Variants in PPP1R1C observed in about 807,000 individuals in gnomAD.
The protein encoded by PPP1R1C is protein phosphatase 1 regulatory inhibitor subunit 1C, also known as protein phosphatase 1 regulatory subunit 1C.
A neutral mutation model predicts 17.4 loss-of-function variants in PPP1R1C; 15 were observed. The observed-to-expected ratio is 0.86, with a 90% CI of 0.58 to 1.33. The LOEUF (loss-of-function observed/expected upper bound fraction) is 1.33, where lower values mean the gene tolerates loss of function less well. Among genes scored for constraint, PPP1R1C ranks in the 40% most tolerant of loss-of-function variants. PPP1R1C has a pLI of 0.00. For missense variants in PPP1R1C, 143 were observed against 130.0 expected (o/e 1.10, Z -0.48); for synonymous variants, 35 against 43.1 (o/e 0.81, Z 0.73).
intron 2 of PPP1R1C, among the ~76,000 whole-genome samples, chr2:182,016,854 G>A (rs1172823788): frequency 6.6e-6 from 1 of 152,136 alleles, no homozygotes; most frequent in African/African-American, 2.4e-5. Flanking sequence ...CAACTTAAAA[G>A]TGGTTAGACA....
Position 182,035,481 on chromosome 2 carries a change from G to C in PPP1R1C, c.143-25961G>C, listed in dbSNP as rs190991038. Among the ~76,000 whole-genome samples the C allele has an allele frequency of 2.6e-5, 4 of 152,188 alleles. 1 individual carries two copies. The highest frequency in any genetic ancestry group is 2.0e-4 in the Admixed American group (3 of 15,276). On this transcript the variant is annotated intron_variant, in intron 2 of 4. Coordinates refer to ENST00000682840, the MANE Select transcript of PPP1R1C (RefSeq NM_001080545.3). ...TTGGCATTTGATATAGTTTGTCTCT[G>C]TGTCCCCACCCAAATCTCATGTTAA...
At chr2:182,066,109 A>G (rs1453467978) in intron 4 of PPP1R1C, among the ~76,000 whole-genome samples, 1 of 152,130 alleles carries the variant, frequency 6.6e-6, no homozygotes, top group East Asian at 1.9e-4. Flanking sequence ...AAATCTTATC[A>G]GCTTTTTGTG....
At chr2:181,972,131 T>A (rs1366672948) in intron 1 of PPP1R1C, among the ~76,000 whole-genome samples, 1 of 152,262 alleles carries the variant, frequency 6.6e-6, no homozygotes, top group African/African-American at 2.4e-5. Flanking sequence ...GTAGAGACTT[T>A]TATTTGGCTA....
At chr2:182,010,923 T>C (rs1156587094) in intron 2 of PPP1R1C, among the ~76,000 whole-genome samples, 2 of 152,136 alleles carry the variant, frequency 1.3e-5, no homozygotes, top group Non-Finnish European at 2.9e-5. Context: ...ATGTATCACA[T>C]CGTTTGATTT....
chr2:182,101,224 T>C (rs1195562144), intron 4 of PPP1R1C, among the ~76,000 whole-genome samples: 1 of 152,182 alleles, frequency 6.6e-6, no homozygotes, highest in Non-Finnish European at 1.5e-5. Flanking sequence ...CCTCCAATTG[T>C]AGAAAAGAAT....
At chr2:182,085,317 A>G (rs571777051) in intron 4 of PPP1R1C, among the ~76,000 whole-genome samples, 1 of 151,890 alleles carries the variant, frequency 6.6e-6, no homozygotes, top group East Asian at 1.9e-4. Context: ...TTTCTTATCT[A>G]TTTTACTTTG....
intron 4 of PPP1R1C, among the ~76,000 whole-genome samples, chr2:182,071,602 G>A (rs1439077499): frequency 1.3e-5 from 2 of 152,208 alleles, no homozygotes; most frequent in African/African-American, 4.8e-5. Flanking sequence ...CATTTAAAGA[G>A]TGGGAAGCTG....
chr2:181,963,439 G>A (rs911831664), intron 1 of PPP1R1C, among the ~76,000 whole-genome samples: 3 of 152,164 alleles, frequency 2.0e-5, no homozygotes, highest in African/African-American at 7.2e-5. Flanking sequence ...AGGAGTTCAA[G>A]ACCAGCCTGG....
chr2:181,968,888 C>T (rs1443178043), intron 1 of PPP1R1C, among the ~76,000 whole-genome samples: 1 of 151,736 alleles, frequency 6.6e-6, no homozygotes, highest in African/African-American at 2.4e-5. Flanking sequence ...TTTGAGGTTA[C>T]TTGAGGCTTG....
At chr2:182,077,028 C>T (rs1688333853) in intron 4 of PPP1R1C, among the ~76,000 whole-genome samples, 1 of 152,138 alleles carries the variant, frequency 6.6e-6, no homozygotes, top group Non-Finnish European at 1.5e-5. Context: ...TAATTTTTTA[C>T]AGTTACTTGG....
At chr2:182,078,328 G>A (rs1688376071) in intron 4 of PPP1R1C, among the ~76,000 whole-genome samples, 1 of 152,102 alleles carries the variant, frequency 6.6e-6, no homozygotes. Context: ...TTCCTGTCGT[G>A]TCTTACTTTT....
chr2:182,071,463 C>A (rs140370814), intron 4 of PPP1R1C, among the ~76,000 whole-genome samples: 2 of 152,182 alleles, frequency 1.3e-5, no homozygotes, highest in Non-Finnish European at 2.9e-5. Flanking sequence ...TATGGTTTAT[C>A]GCTGTTAATT....
chr2:181,999,343 G>A (rs1685696824), intron 2 of PPP1R1C, among the ~76,000 whole-genome samples: 1 of 152,114 alleles, frequency 6.6e-6, no homozygotes, highest in African/African-American at 2.4e-5. Flanking sequence ...TATAATACAT[G>A]TCCTTACAAA....
At chr2:181,973,345 C>T (rs969817692) in intron 1 of PPP1R1C, among the ~76,000 whole-genome samples, 20 of 152,168 alleles carry the variant, frequency 1.3e-4, no homozygotes, top group Non-Finnish European at 2.6e-4. Flanking sequence ...GAAACATAGG[C>T]AAGCACTCAA....
chr2:182,122,606 C>T (rs561604244), downstream of PPP1R1C, among the ~76,000 whole-genome samples: 148 of 152,032 alleles, frequency 9.7e-4, no homozygotes, highest in African/African-American at 3.4e-3. Context: ...ACCACTTTGG[C>T]TCTGTAGGGA....
intron 4 of PPP1R1C, among the ~76,000 whole-genome samples, chr2:182,101,214 C>G (rs550703420): frequency 6.6e-6 from 1 of 152,162 alleles, no homozygotes; most frequent in African/African-American, 2.4e-5. Flanking sequence ...GAGCAGGCAG[C>G]CTCCAATTGT....
intron 4 of PPP1R1C, among the ~76,000 whole-genome samples, chr2:182,105,831 C>T (rs572858246): frequency 5.7e-4 from 87 of 152,258 alleles, no homozygotes; most frequent in African/African-American, 8.4e-4. Context: ...CACAATTCAA[C>T]GCTATGGATG....
At chr2:182,030,270 T>C (rs1156406295) in intron 2 of PPP1R1C, among the ~76,000 whole-genome samples, 1 of 152,200 alleles carries the variant, frequency 6.6e-6, no homozygotes, top group Non-Finnish European at 1.5e-5. Context: ...CTGCGTTCCT[T>C]TGGAGGAGGA....
intron 2 of PPP1R1C, among the ~76,000 whole-genome samples, chr2:182,050,039 G>A (rs1413542676): frequency 6.6e-6 from 1 of 152,168 alleles, no homozygotes; most frequent in Non-Finnish European, 1.5e-5. Flanking sequence ...GAATGTCTCT[G>A]CTCTCTGTAG....
Sources: gnomAD v4.1 joint callset for allele counts (sites outside exome capture counted in the v4.1 genomes callset) on GRCh38, gnomAD v4.1.1 for gene constraint, MANE v1.5 for transcripts, NCBI Gene and HGNC (gene_info 2026-07-23, HGNC 2026-07-21) for gene names.